PRDM11: variants seen among roughly 807,000 people sequenced by gnomAD.
The protein encoded by PRDM11 is PR/SET domain 11.
PRDM11 carries 20 observed loss-of-function variants against 97.8 expected under a neutral mutation model. That is an observed-to-expected ratio of 0.20 (90% CI 0.14 to 0.30). The LOEUF is 0.30. Ranked by LOEUF, PRDM11 falls within the 10% of genes least tolerant of loss-of-function variation. The pLI is 1.00. For missense variants in PRDM11, 1,139 were observed against 1,555.2 expected, an observed-to-expected ratio of 0.73 and a Z score of 4.50; for synonymous variants, 599 against 637.7, an observed-to-expected ratio of 0.94 and a Z score of 0.91.
chr11:45,124,751 T>C (rs1342692387), intron 1 of PRDM11, among the ~76,000 whole-genome samples: 14 of 152,218 alleles, frequency 9.2e-5, no homozygotes, highest in African/African-American at 3.1e-4. Context: ...CAGTATTTTA[T>C]TGAGGATTTT....
chr11:45,103,493 C>T (rs1022951930), intron 1 of PRDM11, among the ~76,000 whole-genome samples: 3 of 152,062 alleles, frequency 2.0e-5, no homozygotes, highest in Admixed American at 2.0e-4. Flanking sequence ...TGACTTTGAG[C>T]AGTTCACAGT....
At chr11:45,102,944 T>C (rs1027616796) in intron 1 of PRDM11, among the ~76,000 whole-genome samples, 1 of 152,192 alleles carries the variant, frequency 6.6e-6, no homozygotes, top group Non-Finnish European at 1.5e-5. Context: ...GAAGAGCAGA[T>C]GCAGAGAGAC....
In PRDM11 at chr11:45,182,959, C is replaced by A; in HGVS notation, c.322C>A (p.Arg108=). ...DTPVPVGIPD[R]AALTIPQGME... Reference sequence around the variant, plus strand: ...ACCGGTGCCCGTGGGCATCCCAGACCGGGCGGCGCTCACCATCCCACAGGG... The same window carrying A: ...ACCGGTGCCCGTGGGCATCCCAGACAGGGCGGCGCTCACCATCCCACAGGG... Residue 108 remains arginine (R), a synonymous_variant, in exon 4 of 8, where the codon CGG becomes AGG. Transcript: ENST00000683152. 6.2e-7 allele frequency: 1 copy of A among 1,613,806 alleles called. No individual in the cohort carries two copies. Among genetic ancestry groups the A allele is most frequent in the South Asian group, 1.1e-5 (1 of 91,052 alleles).
At chr11:45,115,137 T>C (rs1458293449) in intron 1 of PRDM11, among the ~76,000 whole-genome samples, 1 of 140,182 alleles carries the variant, frequency 7.1e-6, no homozygotes, top group Non-Finnish European at 1.6e-5. Context: ...ATAATGTATA[T>C]AGCATGTGTG....
intron 1 of PRDM11, among the ~76,000 whole-genome samples, chr11:45,168,907 T>C (rs1442701165): frequency 6.6e-6 from 1 of 152,180 alleles, no homozygotes; most frequent in African/African-American, 2.4e-5. Context: ...ACCCTGGCCC[T>C]CCACAGGCCA....
chr11:45,142,398 T>A (rs951251448), upstream of PRDM11, among the ~76,000 whole-genome samples: 1 of 152,104 alleles, frequency 6.6e-6, no homozygotes, highest in African/African-American at 2.4e-5. Context: ...GCTACTCAAC[T>A]CTTGGTGGAG....
chr11:45,209,594 C>T (rs1345605691), intron 5 of PRDM11, among the ~76,000 whole-genome samples: 2 of 152,154 alleles, frequency 1.3e-5, no homozygotes, highest in African/African-American at 2.4e-5. Flanking sequence ...AATAAACCAA[C>T]GTTAAATAAT....
chr11:45,117,366 T>C (rs1252609262), intron 1 of PRDM11, among the ~76,000 whole-genome samples: 1 of 152,114 alleles, frequency 6.6e-6, no homozygotes, highest in African/African-American at 2.4e-5. Context: ...AAGTCACTGA[T>C]GCAATAAATT....
intron 1 of PRDM11, among the ~76,000 whole-genome samples, chr11:45,137,120 A>G (rs1852875348): frequency 6.6e-6 from 1 of 151,190 alleles, no homozygotes; most frequent in Non-Finnish European, 1.5e-5. Context: ...CTGAGATCGC[A>G]CCACTGCACT....
At chr11:45,216,666 T>C (rs1283533705) in intron 5 of PRDM11, among the ~76,000 whole-genome samples, 1 of 152,256 alleles carries the variant, frequency 6.6e-6, no homozygotes, top group African/African-American at 2.4e-5. Context: ...TTTCAAATGC[T>C]AAGTTTCAGA....
intron 1 of PRDM11, among the ~76,000 whole-genome samples, chr11:45,173,649 C>A (rs886414296): frequency 6.7e-6 from 1 of 150,090 alleles, no homozygotes; most frequent in East Asian, 2.0e-4. Context: ...AAAAGTTCTG[C>A]GGGAGGGACC....
intron 1 of PRDM11, among the ~76,000 whole-genome samples, chr11:45,150,039 C>A (rs537061251): frequency 6.6e-6 from 1 of 152,270 alleles, no homozygotes; most frequent in Non-Finnish European, 1.5e-5. Flanking sequence ...AGGGACTCCC[C>A]CTGCTGTGAG....
chr11:45,182,137 C>T, intron 2 of PRDM11, 109 bp from the exon 3 acceptor site: 29 of 955,226 alleles, frequency 3.0e-5, no homozygotes, highest in Non-Finnish European at 3.8e-5. Context: ...CTCCTCTGCC[C>T]ACCCCACATC....
chr11:45,227,641 A>G lies in PRDM11; in HGVS notation c.3016A>G (p.Lys1006Glu). 6.5e-7 allele frequency: 1 copy of G among 1,533,896 alleles called. No individual in the cohort carries two copies. The highest frequency in any genetic ancestry group is 2.0e-5 in the Admixed American group (1 of 50,994). Reference sequence around the variant, plus strand: ...CAGTGAGGAGCTGATGAGCTATGGCAAGGAGGATATGGTGCAAATATTTGA... The same window carrying G: ...CAGTGAGGAGCTGATGAGCTATGGCGAGGAGGATATGGTGCAAATATTTGA... Reference protein sequence around the residue: ...RSSEELMSYGKEDMVQIFDHL... With the variant: ...RSSEELMSYGEEDMVQIFDHL... The change falls in exon 8 of 8, where the codon AAG becomes GAG. Residue 1006 changes from lysine to glutamate, a missense_variant. Physicochemically the swap from Lys to Glu is moderately conservative, Grantham distance 56. Coordinates refer to ENST00000683152, the MANE Select transcript of PRDM11 (RefSeq NM_001384648.1). The surrounding 1 kb of genome is among the most constrained non-coding windows in gnomAD (Gnocchi z 8.0).
intron 1 of PRDM11, among the ~76,000 whole-genome samples, chr11:45,123,190 G>T (rs1405680732): frequency 2.0e-5 from 3 of 151,878 alleles, no homozygotes; most frequent in Non-Finnish European, 4.4e-5. Flanking sequence ...TGATAGGGTT[G>T]TTTGTCTTTT....
At position 45,219,867 on chromosome 11, in the gene PRDM11, C is replaced by A; in HGVS notation, c.742+110C>A. The A allele has an allele frequency of 7.7e-7, 1 of 1,293,646 alleles. No individual in the cohort carries two copies. 80.1% of individuals were successfully genotyped at this position (1,293,646 alleles called of 1,614,324 possible). A position where few individuals can be genotyped will look rare whatever the true frequency, so the allele number is the denominator to read the frequency against. ...ATACGGTTCCCAGCAATGGGAAGAC[C>A]CAGAGTGATTCGGGGGAACAGATGG... is the stretch of plus-strand genomic sequence containing the variant. On this transcript the variant is annotated intron_variant, in intron 6 of 7. Transcript: ENST00000683152. The surrounding 1 kb of genome is among the most constrained non-coding windows in gnomAD (Gnocchi z 4.2).
intron 1 of PRDM11, among the ~76,000 whole-genome samples, chr11:45,119,747 C>T (rs1398417796): frequency 6.6e-6 from 1 of 151,464 alleles, no homozygotes; most frequent in Non-Finnish European, 1.5e-5. Context: ...CAGTCCCTTA[C>T]CCCATTTTCT....
At chr11:45,121,300 TGAAAG>T (rs1852425358) in intron 1 of PRDM11, among the ~76,000 whole-genome samples, 1 of 152,034 alleles carries the variant, frequency 6.6e-6, no homozygotes, top group Admixed American at 6.5e-5. Context: ...GGACACAAGT[TGAAAG>T]GAAAAGAATG....
intron 1 of PRDM11, among the ~76,000 whole-genome samples, chr11:45,109,810 G>A (rs748971078): frequency 3.3e-4 from 50 of 152,270 alleles, no homozygotes; most frequent in Admixed American, 5.2e-4. Flanking sequence ...GATGGGGAAG[G>A]GTGGGCTTTT....
Sources: gnomAD v4.1 joint callset for allele counts (sites outside exome capture counted in the v4.1 genomes callset) on GRCh38, gnomAD v4.1.1 for gene constraint, Gnocchi (gnomAD v3.1) non-coding constraint, MANE v1.5 for transcripts, NCBI Gene and HGNC (gene_info 2026-07-23, HGNC 2026-07-21) for gene names.